PDE4D: variants seen among roughly 807,000 people sequenced by gnomAD.
PDE4D encodes phosphodiesterase 4D.
In PDE4D, 24 loss-of-function variants were observed where a neutral mutation model predicts 87.4. The ratio of observed to expected loss-of-function variants is 0.27; its 90% confidence interval spans 0.20 to 0.39. The LOEUF (loss-of-function observed/expected upper bound fraction) is 0.39. Ranked by LOEUF, PDE4D falls within the 10% of genes least tolerant of loss-of-function variation. The pLI is 1.00. For missense variants in PDE4D, 714 were observed against 1,041.0 expected (o/e 0.69, Z 4.32); for synonymous variants, 384 against 383.2 (o/e 1.00, Z -0.02).
At chr5:59,385,888 C>T (rs1469880258) in intron 1 of PDE4D, among the ~76,000 whole-genome samples, 1 of 152,178 alleles carries the variant, frequency 6.6e-6, no homozygotes, top group Admixed American at 6.5e-5. Flanking sequence ...ACCAGATCTG[C>T]ACCACAGACA....
chr5:59,643,655 T>G (rs1223875453), intron 1 of PDE4D, among the ~76,000 whole-genome samples: 2 of 152,252 alleles, frequency 1.3e-5, no homozygotes, highest in Non-Finnish European at 2.9e-5. Context: ...TTACTCAAAT[T>G]AGCTCTTTGT....
At chr5:59,539,033 G>C (rs1199688615) in intron 1 of PDE4D, among the ~76,000 whole-genome samples, 3 of 152,114 alleles carry the variant, frequency 2.0e-5, no homozygotes, top group Non-Finnish European at 4.4e-5. Flanking sequence ...AAGGATGACT[G>C]CTTGCATAAC....
intron 6 of PDE4D, among the ~76,000 whole-genome samples, chr5:59,014,268 T>G (rs1315486713): frequency 1.3e-5 from 2 of 152,162 alleles, no homozygotes; most frequent in Non-Finnish European, 2.9e-5. Context: ...ACCGCTCCTA[T>G]TCAACATAGT....
Position 59,985,144 on chromosome 5 carries a change from TGTTTTTTA to T in PDE4D, c.272+3336_272+3343del, listed in dbSNP as rs1561944615. Among the ~76,000 whole-genome samples, 5 of 120,412 alleles carry T rather than the reference TGTTTTTTA, an allele frequency of 4.2e-5. 2 individuals carry two copies. Among genetic ancestry groups the T allele is most frequent in the South Asian group, 3.3e-4 (1 of 3,016 alleles). 79.0% of individuals were successfully genotyped at this position (120,412 alleles called of 152,430 possible). On this transcript the variant is annotated intron_variant, in intron 3 of 16. Transcript: ENST00000502484. ...CTTTCGTTTTTTGTTTTTTGTTTTT[TGTTTTTTA>T]TTTTGAGACAGAGTCTCACTCTGTC...
At chr5:59,298,156 G>T (rs992737403) in intron 1 of PDE4D, among the ~76,000 whole-genome samples, 1 of 134,674 alleles carries the variant, frequency 7.4e-6, no homozygotes, top group Non-Finnish European at 1.5e-5. Flanking sequence ...TCACTCTGTT[G>T]TCTAGGTTGG....
At chr5:59,639,325 A>G (rs576762802) in intron 1 of PDE4D, among the ~76,000 whole-genome samples, 1 of 152,314 alleles carries the variant, frequency 6.6e-6, no homozygotes, top group Non-Finnish European at 1.5e-5. Flanking sequence ...ATTCCTACAA[A>G]GAAGAGAAAA....
intron 1 of PDE4D, among the ~76,000 whole-genome samples, chr5:59,662,023 A>G (rs560577219): frequency 6.6e-6 from 1 of 152,270 alleles, no homozygotes; most frequent in East Asian, 1.9e-4. Flanking sequence ...TGCTTGGGCT[A>G]ATGGAATGTG....
At chr5:59,580,843 C>A (rs187068745) in intron 1 of PDE4D, among the ~76,000 whole-genome samples, 69 of 152,170 alleles carry the variant, frequency 4.5e-4, no homozygotes, top group Admixed American at 1.6e-3. Context: ...ACTCCAGAAG[C>A]TGAATTAGAA....
chr5:59,838,978 G>A (rs1310743766), intron 1 of PDE4D, among the ~76,000 whole-genome samples: 1 of 151,886 alleles, frequency 6.6e-6, no homozygotes, highest in East Asian at 1.9e-4. Context: ...TCATAAAACT[G>A]TCTTCTAGAA....
intron 1 of PDE4D, among the ~76,000 whole-genome samples, chr5:60,394,790 T>C (rs938062403): frequency 2.6e-5 from 4 of 152,218 alleles, no homozygotes; most frequent in Non-Finnish European, 5.9e-5. Context: ...GTTTAAGATC[T>C]TTCTTCAGGG....
intron 11 of PDE4D, among the ~76,000 whole-genome samples, chr5:58,978,415 CAAAAAGAAAA>C (rs1352148659): frequency 6.6e-6 from 1 of 151,450 alleles, no homozygotes; most frequent in African/African-American, 2.4e-5. Flanking sequence ...GACTCTGTTT[CAAAAAGAAAA>C]GAAAAGAAAA....
intron 6 of PDE4D, among the ~76,000 whole-genome samples, chr5:59,025,495 T>C (rs1055230999): frequency 6.6e-6 from 1 of 152,248 alleles, no homozygotes; most frequent in Non-Finnish European, 1.5e-5. Context: ...TATTTTTGCA[T>C]GGTTCTTTTT....
intron 2 of PDE4D, among the ~76,000 whole-genome samples, chr5:60,117,256 C>T (rs1261931855): frequency 9.2e-5 from 14 of 151,882 alleles, no homozygotes; most frequent in Non-Finnish European, 1.5e-5. Flanking sequence ...CATTTTTTCA[C>T]TTTTATCCCT....
Position 59,053,638 on chromosome 5 carries a change from G to GTTTTTTTTTT in PDE4D, c.809-14668_809-14667insAAAAAAAAAA, listed in dbSNP as rs1205199951. 2.2e-4 allele frequency among the ~76,000 whole-genome samples: 19 copies of GTTTTTTTTTT among 84,696 alleles called. 1 individual carries two copies. The highest frequency in any genetic ancestry group is 9.1e-4 in the African/African-American group (18 of 19,716). The allele number at this position is 84,696 out of a possible 152,430, so 55.6% of individuals were successfully genotyped here. A position where few individuals can be genotyped will look rare whatever the true frequency, so the allele number is the denominator to read the frequency against. On this transcript the variant is annotated intron_variant, in intron 5 of 14. Coordinates refer to ENST00000340635, the MANE Select transcript of PDE4D (RefSeq NM_001104631.2). ...TAAGTTTTATGAATTAAGTTGTTTT[G>GTTTTTTTTTT]TTTTTTGTTTTTTTTTGTTGTTGTT...
chr5:60,142,260 G>A (rs1054031916), intron 2 of PDE4D, among the ~76,000 whole-genome samples: 5 of 151,774 alleles, frequency 3.3e-5, no homozygotes, highest in African/African-American at 9.7e-5. Flanking sequence ...AAAGAAGGAA[G>A]GAAAGGAGAG....
chr5:59,558,904 A>G (rs573811076), intron 1 of PDE4D: 11 of 152,202 alleles, frequency 7.2e-5, no homozygotes, highest in Non-Finnish European at 1.6e-4. Context: ...AAAAACATGG[A>G]TTTTATATAG....
chr5:60,159,544 G>A (rs1782295050), intron 2 of PDE4D, among the ~76,000 whole-genome samples: 1 of 152,078 alleles, frequency 6.6e-6, no homozygotes, highest in Non-Finnish European at 1.5e-5. Context: ...AAACATATGA[G>A]TAATATGTTA....
intron 2 of PDE4D, among the ~76,000 whole-genome samples, chr5:60,064,664 G>A (rs1050217422): frequency 6.6e-6 from 1 of 152,084 alleles, no homozygotes; most frequent in African/African-American, 2.4e-5. Context: ...CTGTTGAGAT[G>A]CGGTCTCCTA....
At chr5:60,052,461 A>G (rs1770285112) in intron 2 of PDE4D, among the ~76,000 whole-genome samples, 1 of 152,228 alleles carries the variant, frequency 6.6e-6, no homozygotes. Context: ...CAATAGATGC[A>G]GAAAAGGCCT....
Sources: allele counts gnomAD v4.1 joint callset (sites outside exome capture counted in the v4.1 genomes callset), GRCh38; gene constraint gnomAD v4.1.1; transcripts MANE v1.5; gene names NCBI Gene and HGNC (gene_info 2026-07-23, HGNC 2026-07-21).